CCSER1: variants seen among roughly 807,000 people sequenced by gnomAD.
The protein encoded by CCSER1 is serine-rich coiled-coil domain-containing protein 1.
A neutral mutation model predicts 82.0 loss-of-function variants in CCSER1; 41 were observed. The ratio of observed to expected loss-of-function variants is 0.50; its 90% CI spans 0.39 to 0.65. CCSER1 has a LOEUF of 0.65. CCSER1 is among the 30% of genes least tolerant of loss of function. CCSER1 has a pLI of 0.00. For synonymous variants in CCSER1, 414 were observed against 383.9 expected (o/e 1.08, Z -0.92); for missense variants, 1,119 against 1,064.2 (o/e 1.05, Z -0.72).
chr4:91,185,592 C>T (rs1734458643), intron 10 of CCSER1, among the ~76,000 whole-genome samples: 1 of 152,170 alleles, frequency 6.6e-6, no homozygotes, highest in African/African-American at 2.4e-5. Flanking sequence ...TGGAAATGCC[C>T]AGGTTTAGAA....
chr4:91,232,468 C>T (rs1205679822), intron 10 of CCSER1, among the ~76,000 whole-genome samples: 3 of 151,728 alleles, frequency 2.0e-5, no homozygotes, highest in South Asian at 2.1e-4. Context: ...AAAGATACAG[C>T]ATAGTGTATA....
At chr4:91,165,400 G>A (rs1442822519) in intron 10 of CCSER1, among the ~76,000 whole-genome samples, 1 of 152,178 alleles carries the variant, frequency 6.6e-6, no homozygotes, top group African/African-American at 2.4e-5. Flanking sequence ...ACCCACTTGA[G>A]GAGTCAGTCT....
chr4:90,185,983 G>A (rs1435082181), intron 1 of CCSER1, among the ~76,000 whole-genome samples: 1 of 151,956 alleles, frequency 6.6e-6, no homozygotes, highest in East Asian at 1.9e-4. Flanking sequence ...GCCACATTAG[G>A]TTCCTCACAA....
chr4:90,582,060 C>G (rs1223863882), intron 5 of CCSER1, among the ~76,000 whole-genome samples: 2 of 151,604 alleles, frequency 1.3e-5, no homozygotes, highest in Non-Finnish European at 2.9e-5. Flanking sequence ...CTTGGTGGGA[C>G]AAGAATTGAT....
chr4:91,152,717 G>A (rs1049174263), intron 10 of CCSER1, among the ~76,000 whole-genome samples: 15 of 152,052 alleles, frequency 9.9e-5, no homozygotes, highest in African/African-American at 3.4e-4. Context: ...AGGCCTTGTA[G>A]TGACAAAATC....
intron 5 of CCSER1, among the ~76,000 whole-genome samples, chr4:90,605,818 T>G (rs983709292): frequency 1.0e-4 from 15 of 148,102 alleles, no homozygotes; most frequent in African/African-American, 4.0e-4. Context: ...TTTTGTATAT[T>G]TTTTTTCAAA....
At chr4:90,394,996 C>A (rs1390237127) in intron 3 of CCSER1, among the ~76,000 whole-genome samples, 2 of 152,198 alleles carry the variant, frequency 1.3e-5, no homozygotes, top group Non-Finnish European at 2.9e-5. Flanking sequence ...TAATAATAGT[C>A]ACCATGTTGT....
At chr4:90,607,591 T>G (rs773340292) in intron 5 of CCSER1, among the ~76,000 whole-genome samples, 6 of 152,176 alleles carry the variant, frequency 3.9e-5, no homozygotes, top group Non-Finnish European at 8.8e-5. Flanking sequence ...TCTCCCTGTG[T>G]TTTGTGTTTA....
intron 3 of CCSER1, among the ~76,000 whole-genome samples, chr4:90,371,578 A>C (rs905482770): frequency 1.3e-5 from 2 of 152,162 alleles, no homozygotes; most frequent in Non-Finnish European, 2.9e-5. Flanking sequence ...GGTTAACTTA[A>C]AGGCACCATG....
intron 9 of CCSER1, among the ~76,000 whole-genome samples, chr4:91,068,278 CAGTT>C (rs1008228466): frequency 8.5e-5 from 13 of 152,076 alleles, no homozygotes; most frequent in African/African-American, 1.4e-4. Flanking sequence ...ATTTTATTTT[CAGTT>C]AGTTCTTTGG....
intron 10 of CCSER1, among the ~76,000 whole-genome samples, chr4:91,576,867 T>G (rs1265661422): frequency 3.3e-5 from 5 of 151,994 alleles, no homozygotes; most frequent in Non-Finnish European, 4.4e-5. Context: ...ACCTATATTT[T>G]CAGCACACAA....
intron 10 of CCSER1, among the ~76,000 whole-genome samples, chr4:91,362,796 T>C: frequency 6.6e-6 from 1 of 151,808 alleles, no homozygotes; most frequent in East Asian, 1.9e-4. Context: ...TTTGTGAAAC[T>C]ACTAGTAATA....
intron 8 of CCSER1, among the ~76,000 whole-genome samples, chr4:90,861,283 G>A (rs1468086899): frequency 6.6e-6 from 1 of 151,748 alleles, no homozygotes; most frequent in East Asian, 1.9e-4. Flanking sequence ...AAAAGCCAGT[G>A]CTAAGCACTG....
chr4:90,264,996 CT>C (rs1226501716), intron 1 of CCSER1, among the ~76,000 whole-genome samples: 2 of 151,900 alleles, frequency 1.3e-5, no homozygotes, highest in Non-Finnish European at 2.9e-5. Flanking sequence ...TTTCTTCTGT[CT>C]TCATAAACTA....
chr4:91,133,963 G>T (rs1055550658), intron 10 of CCSER1, among the ~76,000 whole-genome samples: 1 of 152,126 alleles, frequency 6.6e-6, no homozygotes, highest in Non-Finnish European at 1.5e-5. Flanking sequence ...GCCAGGCAAG[G>T]TGGCGCATGC....
intron 7 of CCSER1, among the ~76,000 whole-genome samples, chr4:90,810,661 A>AACAGCT (rs1758138525): frequency 6.6e-6 from 1 of 151,502 alleles, no homozygotes; most frequent in Non-Finnish European, 1.5e-5. Context: ...CAACAACAAC[A>AACAGCT]ACAACAACAA....
intron 7 of CCSER1, among the ~76,000 whole-genome samples, chr4:90,804,129 T>G (rs1463305147): frequency 1.3e-5 from 2 of 152,210 alleles, no homozygotes; most frequent in Admixed American, 6.5e-5. Context: ...GTCAGATGGA[T>G]AGACTGCAAA....
At chr4:90,844,374 A>G (rs930385501) in intron 8 of CCSER1, among the ~76,000 whole-genome samples, 1 of 152,154 alleles carries the variant, frequency 6.6e-6, no homozygotes, top group African/African-American at 2.4e-5. Flanking sequence ...TACTGGCAGT[A>G]GCAAATACTA....
intron 3 of CCSER1, among the ~76,000 whole-genome samples, chr4:90,313,985 G>A (rs1735738937): frequency 6.6e-6 from 1 of 151,994 alleles, no homozygotes; most frequent in Admixed American, 6.6e-5. Flanking sequence ...TTACATAATT[G>A]GGTTTCAAAT....
Sources: gnomAD v4.1 joint callset for allele counts (sites outside exome capture counted in the v4.1 genomes callset) on GRCh38, gnomAD v4.1.1 for gene constraint, MANE v1.5 for transcripts, NCBI Gene and HGNC (gene_info 2026-07-23, HGNC 2026-07-21) for gene names.